PAPPA2: variants seen among roughly 807,000 people sequenced by gnomAD.
PAPPA2 encodes pappalysin 2.
In PAPPA2, 86 loss-of-function variants were observed where a neutral mutation model predicts 176.4. The observed-to-expected ratio is 0.49, with a 90% CI of 0.41 to 0.58. The LOEUF is 0.58. Among genes scored for constraint, PAPPA2 ranks in the 20% least tolerant of loss-of-function variants. The probability of loss-of-function intolerance (pLI) is 0.00; values close to 1 mark genes in which losing one functional copy is unlikely to be tolerated. For missense variants in PAPPA2, 2,073 were observed against 2,256.9 expected, an observed-to-expected ratio of 0.92 and a Z score of 1.65; for synonymous variants, 809 against 852.2, an observed-to-expected ratio of 0.95 and a Z score of 0.88.
At chr1:176,581,656 T>C (rs1250747971) in intron 2 of PAPPA2, among the ~76,000 whole-genome samples, 1 of 152,150 alleles carries the variant, frequency 6.6e-6, no homozygotes. Context: ...TAGTTTTCCT[T>C]GTAGAGATCT....
At chr1:176,728,931 C>G (rs1571237271) in intron 12 of PAPPA2, among the ~76,000 whole-genome samples, 1 of 151,756 alleles carries the variant, frequency 6.6e-6, no homozygotes, top group African/African-American at 2.4e-5. Flanking sequence ...CCAATTATCT[C>G]TATTTAATTA....
At chr1:176,791,015 A>C (rs1665150623) in intron 18 of PAPPA2, among the ~76,000 whole-genome samples, 1 of 152,208 alleles carries the variant, frequency 6.6e-6, no homozygotes, top group Non-Finnish European at 1.5e-5. Context: ...GTGTAAAACA[A>C]CACCATCTGG....
intron 3 of PAPPA2, among the ~76,000 whole-genome samples, chr1:176,617,025 C>G (rs1655302294): frequency 1.3e-5 from 2 of 152,144 alleles, no homozygotes; most frequent in Admixed American, 1.3e-4. Context: ...CAGGTTTACC[C>G]CATCCAGGTC....
chr1:176,785,783 A>G (rs959793209), intron 17 of PAPPA2, among the ~76,000 whole-genome samples: 3 of 152,196 alleles, frequency 2.0e-5, no homozygotes, highest in African/African-American at 4.8e-5. Context: ...CCCTGAGGTT[A>G]TTAAACTGGC....
At chr1:176,762,632 A>T (rs536677419) in intron 14 of PAPPA2, among the ~76,000 whole-genome samples, 1 of 152,216 alleles carries the variant, frequency 6.6e-6, no homozygotes, top group South Asian at 2.1e-4. Context: ...GGCATGTGGC[A>T]TCTAGAGAAC....
intron 1 of PAPPA2, among the ~76,000 whole-genome samples, chr1:176,546,922 C>T (rs937484975): frequency 2.4e-4 from 37 of 152,116 alleles, no homozygotes; most frequent in African/African-American, 8.4e-4. Context: ...AAAATTGTTT[C>T]CAAGGACCAA....
At chr1:176,667,629 T>C (rs1573221429) in intron 3 of PAPPA2, among the ~76,000 whole-genome samples, 1 of 152,188 alleles carries the variant, frequency 6.6e-6, no homozygotes, top group East Asian at 1.9e-4. Context: ...GGCAGTGCAG[T>C]CAGGCTCCTC....
rs1649997706 is a variant in PAPPA2, at chr1:176,535,045, G to T, written c.-916-20362G>T. 2.6e-5 allele frequency among the ~76,000 whole-genome samples: 4 copies of T among 152,086 alleles called. 1 individual carries two copies. In the South Asian group the frequency reaches 8.3e-4, roughly 32 times the overall value. On this transcript the variant is annotated intron_variant, in intron 1 of 22. Transcript: ENST00000367662. The stretch of plus-strand genomic sequence containing the variant: ...AGAGAACCAGAGGGAGACTGTAGAA[G>T]GTTGCAATACAAAATAGAGAGTGCC...
At chr1:176,757,121 G>A (rs1440787051) in intron 14 of PAPPA2, among the ~76,000 whole-genome samples, 3 of 152,202 alleles carry the variant, frequency 2.0e-5, no homozygotes, top group Non-Finnish European at 4.4e-5. Context: ...GGACGTTTGG[G>A]TTGGTTCCAA....
chr1:176,628,086 CAG>C (rs1656129903), intron 3 of PAPPA2, among the ~76,000 whole-genome samples: 1 of 152,122 alleles, frequency 6.6e-6, no homozygotes, highest in Admixed American at 6.6e-5. Flanking sequence ...AAATTGAATC[CAG>C]ACACCATATT....
At chr1:176,470,915 C>T (rs1294953042) in intron 1 of PAPPA2, among the ~76,000 whole-genome samples, 1 of 151,942 alleles carries the variant, frequency 6.6e-6, no homozygotes, top group Non-Finnish European at 1.5e-5. Flanking sequence ...AAAGCTGGCC[C>T]CATGCTTTAG....
intron 8 of PAPPA2, among the ~76,000 whole-genome samples, chr1:176,699,850 C>T (rs550414207): frequency 4.5e-4 from 68 of 152,262 alleles, no homozygotes; most frequent in African/African-American, 1.6e-3. Context: ...TTGAACTGAA[C>T]ATAATTGCTA....
intron 2 of PAPPA2, among the ~76,000 whole-genome samples, chr1:176,573,580 T>TTC (rs745611327): frequency 2.0e-5 from 3 of 152,170 alleles, no homozygotes; most frequent in African/African-American, 7.2e-5. Flanking sequence ...AAGTTTCTCT[T>TTC]TCTCTCTCTC....
At chr1:176,734,321 C>T (rs1335789853) in intron 12 of PAPPA2, among the ~76,000 whole-genome samples, 3 of 151,894 alleles carry the variant, frequency 2.0e-5, no homozygotes, top group South Asian at 2.1e-4. Flanking sequence ...GAATGTCTAC[C>T]CCTAGTTCGG....
At chr1:176,650,763 T>TTTGTA (rs71299413) in intron 3 of PAPPA2, among the ~76,000 whole-genome samples, 37,696 of 151,450 alleles carry the variant, frequency 0.25, 4,774 homozygotes, top group South Asian at 0.33. Context: ...TTCTGGTTGC[T>TTTGTA]TCATATTTTG....
At chr1:176,760,590 A>G (rs1048879280) in intron 14 of PAPPA2, among the ~76,000 whole-genome samples, 29 of 152,190 alleles carry the variant, frequency 1.9e-4, no homozygotes, top group African/African-American at 7.0e-4. Flanking sequence ...CAGCTATGGT[A>G]AAGCCTGCCT....
chr1:176,678,864 A>G (rs1473830793), intron 4 of PAPPA2, among the ~76,000 whole-genome samples: 1 of 152,154 alleles, frequency 6.6e-6, no homozygotes, highest in East Asian at 1.9e-4. Context: ...TGTATGTTAA[A>G]AATGTAAAAT....
At chr1:176,747,050 T>C (rs1662943570) in intron 14 of PAPPA2, among the ~76,000 whole-genome samples, 1 of 152,198 alleles carries the variant, frequency 6.6e-6, no homozygotes. Context: ...TTAGCAAAAG[T>C]AAGACTGGAA....
At chr1:176,689,629 G>A (rs576309198) in intron 4 of PAPPA2, among the ~76,000 whole-genome samples, 7 of 152,246 alleles carry the variant, frequency 4.6e-5, no homozygotes, top group East Asian at 3.9e-4. Flanking sequence ...GAGGTAAGAC[G>A]GCTGTTCAAG....
Sources: allele counts gnomAD v4.1 joint callset (sites outside exome capture counted in the v4.1 genomes callset), GRCh38; gene constraint gnomAD v4.1.1; transcripts MANE v1.5; gene names NCBI Gene and HGNC (gene_info 2026-07-23, HGNC 2026-07-21).